The following ITGA6 variants were observed in gnomAD, a reference collection of about 807,000 sequenced individuals.
ITGA6 encodes the protein integrin subunit alpha 6.
In ITGA6, 63 loss-of-function variants were observed where a neutral mutation model predicts 133.6. That is an observed-to-expected ratio of 0.47 (90% CI 0.38 to 0.58). The LOEUF (loss-of-function observed/expected upper bound fraction) is 0.58, where lower values mean the gene tolerates loss of function less well. ITGA6 is among the 20% of genes least tolerant of loss of function. The pLI is 0.00. For missense variants in ITGA6, 1,068 were observed against 1,309.4 expected (o/e 0.82, Z 2.85); for synonymous variants, 434 against 482.0 (o/e 0.90, Z 1.30).
chr2:172,474,878 C>T (rs754310862), intron 6 of ITGA6, 51 bp from the exon 7 acceptor site: 1 of 881,026 alleles, frequency 1.1e-6, no homozygotes, highest in Non-Finnish European at 2.0e-6. Flanking sequence ...ACTGGTGTTG[C>T]TGGTATGTTA....
In ITGA6 at chr2:172,427,815, G is replaced by A. The variant is rs1339369463; in HGVS notation, c.27G>A (p.Leu9=). 1 of 1,602,456 alleles carries A rather than the reference G, an allele frequency of 6.2e-7. No individual in the cohort carries two copies. Reference sequence around the variant, plus strand: ...TGGCCGCCGCCGGGCAGCTGTGCTTGCTCTACCTGTCGGCGGGGCTCCTGT... The same window carrying A: ...TGGCCGCCGCCGGGCAGCTGTGCTTACTCTACCTGTCGGCGGGGCTCCTGT... MAAAGQLC[L]LYLSAGLLSR... is the part of the protein sequence containing the mutation. Residue 9 remains leucine, a synonymous_variant, in exon 1 of 26, where the codon TTG becomes TTA. Transcript: ENST00000684293.
intron 13 of ITGA6, among the ~76,000 whole-genome samples, chr2:172,485,866 G>A (rs1437145218): frequency 6.6e-6 from 1 of 152,156 alleles, no homozygotes; most frequent in African/African-American, 2.4e-5. Context: ...TTGGCATTAT[G>A]TTCTTGCTTT....
chr2:172,469,748 T>A (rs16860474), intron 4 of ITGA6, among the ~76,000 whole-genome samples: 9,384 of 152,262 alleles, frequency 0.062, 594 homozygotes, highest in African/African-American at 0.16. Flanking sequence ...TAATGGTATA[T>A]ACAAATAACA....
At chr2:172,472,025 C>T (rs1685962800) in intron 5 of ITGA6, among the ~76,000 whole-genome samples, 1 of 152,188 alleles carries the variant, frequency 6.6e-6, no homozygotes, top group African/African-American at 2.4e-5. Flanking sequence ...TAAACACGCA[C>T]TAATAAGTTG....
At chr2:172,487,666 T>G (rs762910737) in intron 16 of ITGA6, 36 bp downstream of exon 16, 1 of 1,600,430 alleles carries the variant, frequency 6.2e-7, no homozygotes, top group South Asian at 1.1e-5. Context: ...TTTTACTGTT[T>G]TAAATACCAT....
At chr2:172,445,029 G>T (rs1454507392) in intron 1 of ITGA6, among the ~76,000 whole-genome samples, 1 of 151,958 alleles carries the variant, frequency 6.6e-6, no homozygotes, top group African/African-American at 2.4e-5. Flanking sequence ...GCAGTGGCGG[G>T]CTCTTGGCTT....
Position 172,465,772 on chromosome 2 carries a change from T to C in ITGA6, c.307+109T>C. 3 of 1,408,118 alleles carry C rather than the reference T, an allele frequency of 2.1e-6. No individual in the cohort carries two copies. In the South Asian group the frequency reaches 3.5e-5, roughly 16 times the overall value. 87.2% of individuals were successfully genotyped at this position (1,408,118 alleles called of 1,614,324 possible). ...TTATTCTTGTAGAGAGGACTTCTTT[T>C]AATTGCATCAGACTTGACTGTTTTT... On this transcript the variant is annotated intron_variant, in intron 2 of 25. Coordinates refer to ENST00000684293, the MANE Select transcript of ITGA6 (RefSeq NM_000210.4).
chr2:172,439,927 G>C (rs1011665592), intron 1 of ITGA6, among the ~76,000 whole-genome samples: 4 of 152,172 alleles, frequency 2.6e-5, no homozygotes, highest in African/African-American at 9.7e-5. Context: ...AGTATCTTGG[G>C]TTTTTAAATG....
At chr2:172,431,680 C>T in intron 1 of ITGA6, among the ~76,000 whole-genome samples, 1 of 152,228 alleles carries the variant, frequency 6.6e-6, no homozygotes, top group East Asian at 1.9e-4. Flanking sequence ...CCAGGGCCAT[C>T]TTCCAGGGAT....
chr2:172,476,646 T>C (rs1686187517), intron 9 of ITGA6, 133 bp downstream of exon 9: 8 of 687,402 alleles, frequency 1.2e-5, no homozygotes, highest in Non-Finnish European at 2.1e-5. Context: ...TTTCTTTTTC[T>C]TTTGAAGTTA....
At chr2:172,501,121 A>G (rs1384594306) in intron 24 of ITGA6, among the ~76,000 whole-genome samples, 1 of 152,180 alleles carries the variant, frequency 6.6e-6, no homozygotes, top group Non-Finnish European at 1.5e-5. Flanking sequence ...TTTTATACTC[A>G]TTTAGAGTGA....
At chr2:172,455,271 G>T (rs998221560) in intron 1 of ITGA6, among the ~76,000 whole-genome samples, 3 of 152,172 alleles carry the variant, frequency 2.0e-5, no homozygotes, top group Admixed American at 2.0e-4. Flanking sequence ...ACGACCTCTG[G>T]TGCCTGCTTT....
intron 4 of ITGA6, among the ~76,000 whole-genome samples, chr2:172,469,989 T>A (rs1238626264): frequency 6.6e-6 from 1 of 152,324 alleles, no homozygotes; most frequent in East Asian, 1.9e-4. Flanking sequence ...TGGCCCACAT[T>A]TTTTGACTGT....
intron 3 of ITGA6, 117 bp downstream of exon 3, chr2:172,467,677 AG>A: frequency 1.3e-6 from 1 of 792,054 alleles, no homozygotes; most frequent in Admixed American, 2.0e-5. Flanking sequence ...ACTGCTTTAA[AG>A]CAGGAATGGA....
intron 1 of ITGA6, among the ~76,000 whole-genome samples, chr2:172,446,715 A>G (rs1164649978): frequency 2.0e-5 from 3 of 152,222 alleles, no homozygotes; most frequent in South Asian, 2.1e-4. Context: ...TAAATGCCAC[A>G]TTTGACAAGA....
intron 1 of ITGA6, among the ~76,000 whole-genome samples, chr2:172,445,088 C>T (rs1024158996): frequency 2.0e-5 from 3 of 151,820 alleles, no homozygotes; most frequent in African/African-American, 7.3e-5. Flanking sequence ...GTCTCAGCCT[C>T]CCAAGTAGCT....
intron 2 of ITGA6, 32 bp downstream of exon 2, chr2:172,465,695 C>G (rs1188875253): frequency 6.2e-7 from 1 of 1,613,892 alleles, no homozygotes; most frequent in Non-Finnish European, 8.5e-7. Context: ...AGCGTTCACT[C>G]CGGCAGCTTG....
chr2:172,465,709 G>A, intron 2 of ITGA6, 46 bp downstream of exon 2: 1 of 1,613,714 alleles, frequency 6.2e-7, no homozygotes, highest in Non-Finnish European at 8.5e-7. Flanking sequence ...CAGCTTGCCT[G>A]TACTGTTTCC....
intron 23 of ITGA6, among the ~76,000 whole-genome samples, chr2:172,494,086 A>G (rs1462257287): frequency 1.3e-5 from 2 of 152,172 alleles, no homozygotes; most frequent in African/African-American, 2.4e-5. Context: ...TTTCTGACAT[A>G]CAATAGCTCA....
Sources: gnomAD v4.1 joint callset for allele counts (sites outside exome capture counted in the v4.1 genomes callset) on GRCh38, gnomAD v4.1.1 for gene constraint, MANE v1.5 for transcripts, NCBI Gene and HGNC (gene_info 2026-07-23, HGNC 2026-07-21) for gene names.